SLC9C1: variants seen among roughly 807,000 people sequenced by gnomAD.
SLC9C1 encodes sodium/hydrogen exchanger 10.
Under a neutral mutation model 140.9 loss-of-function variants are expected in SLC9C1, and 97 were observed. The ratio of observed to expected loss-of-function variants is 0.69; its 90% confidence interval spans 0.58 to 0.82. The LOEUF (loss-of-function observed/expected upper bound fraction) is 0.82. Ranked by LOEUF, SLC9C1 falls within the 40% of genes least tolerant of loss-of-function variation. The probability of loss-of-function intolerance (pLI) is 0.00; values close to 1 mark genes in which losing one functional copy is unlikely to be tolerated. For synonymous variants in SLC9C1, 440 were observed against 442.6 expected (o/e 0.99, Z 0.07); for missense variants, 1,340 against 1,389.3 (o/e 0.96, Z 0.56).
At chr3:112,272,650 C>T (rs2080107834) in intron 6 of SLC9C1, among the ~76,000 whole-genome samples, 1 of 152,124 alleles carries the variant, frequency 6.6e-6, no homozygotes, top group African/African-American at 2.4e-5. Flanking sequence ...TCTCTTTCTC[C>T]TACAGCAGAG....
chr3:112,159,418 TA>T (rs1370284171), intron 26 of SLC9C1, among the ~76,000 whole-genome samples: 5 of 152,056 alleles, frequency 3.3e-5, no homozygotes, highest in Non-Finnish European at 7.4e-5. Context: ...ATTGTGGTCA[TA>T]AAAGATATTT....
At chr3:112,249,081 G>C (rs1290727824) in intron 10 of SLC9C1, among the ~76,000 whole-genome samples, 1 of 151,992 alleles carries the variant, frequency 6.6e-6, no homozygotes, top group Non-Finnish European at 1.5e-5. Flanking sequence ...TGTTGGTTGT[G>C]GGCTTGTCAT....
intron 15 of SLC9C1, among the ~76,000 whole-genome samples, chr3:112,214,730 C>T (rs1345181023): frequency 1.3e-5 from 2 of 152,100 alleles, no homozygotes; most frequent in Non-Finnish European, 2.9e-5. Context: ...GCTTACCAAC[C>T]AAAAGAAGTC....
chr3:112,155,074 G>A (rs2075092741), intron 26 of SLC9C1, 25 bp from the exon 27 acceptor site: 1 of 1,515,532 alleles, frequency 6.6e-7, no homozygotes, highest in Non-Finnish European at 9.0e-7. Context: ...AAAAAACAGT[G>A]TTAATTCAAC....
chr3:112,184,436 G>A (rs1211399496), intron 20 of SLC9C1, among the ~76,000 whole-genome samples: 8 of 130,956 alleles, frequency 6.1e-5, no homozygotes, highest in South Asian at 2.9e-4. Flanking sequence ...TCAGGAGTTC[G>A]AGACCAGCCT....
intron 20 of SLC9C1, among the ~76,000 whole-genome samples, chr3:112,189,831 C>T (rs990963136): frequency 6.6e-6 from 1 of 152,108 alleles, no homozygotes; most frequent in Admixed American, 6.5e-5. Context: ...GGCAGTATGG[C>T]CATTTTCATG....
chr3:112,274,521 C>T (rs967894714), intron 6 of SLC9C1, among the ~76,000 whole-genome samples: 8 of 151,996 alleles, frequency 5.3e-5, no homozygotes, highest in Admixed American at 3.9e-4. Context: ...GATATAGTTC[C>T]AGGGCAAAGG....
intron 15 of SLC9C1, among the ~76,000 whole-genome samples, chr3:112,212,182 C>A (rs1420707938): frequency 6.6e-6 from 1 of 152,186 alleles, no homozygotes; most frequent in Non-Finnish European, 1.5e-5. Flanking sequence ...ACACAAAGGA[C>A]ATCCACACCA....
chr3:112,277,563 A>T, intron 5 of SLC9C1, 132 bp downstream of exon 5: 1 of 724,408 alleles, frequency 1.4e-6, no homozygotes, highest in Non-Finnish European at 2.1e-6. Flanking sequence ...ATCTCTGCTT[A>T]ATCCTCAACC....
chr3:112,237,104 C>T (rs2079008658), intron 12 of SLC9C1, among the ~76,000 whole-genome samples: 2 of 152,092 alleles, frequency 1.3e-5, no homozygotes, highest in South Asian at 4.1e-4. Context: ...GAGTCTAAGT[C>T]TCTTTGTAGG....
At chr3:112,284,440 A>C (rs1031376743) in intron 2 of SLC9C1, among the ~76,000 whole-genome samples, 1 of 152,252 alleles carries the variant, frequency 6.6e-6, no homozygotes, top group African/African-American at 2.4e-5. Context: ...AGCTGGGTTC[A>C]TCATTTCAGA....
rs62276974 is a variant in SLC9C1 at position 112,264,310 on chromosome 3, G to A, written c.912C>T (p.Leu304=). The part of the protein sequence containing the change: ...FWTFLSRIAF[L]MVFTFFGLLI... ...GAAGTCCAAAGAAAGTAAACACCAT[G>A]AGAAAAGCAATACGTGATAGAAAAG... Residue 304 remains leucine (L), a synonymous_variant, in exon 9 of 29, where the codon CTC becomes CTT. Transcript: ENST00000305815. 319,001 of 1,470,284 alleles carry A rather than the reference G, an allele frequency of 0.22. 37,804 individuals carry two copies. The highest frequency in any genetic ancestry group is 0.23 in the Non-Finnish European group (259,660 of 1,108,716). The allele number at this position is 1,470,284 out of a possible 1,614,324, so 91.1% of individuals were successfully genotyped here. A position where few individuals can be genotyped will look rare whatever the true frequency, so the allele number is the denominator to read the frequency against.
At chr3:112,171,774 A>T (rs2077251641) in intron 23 of SLC9C1, among the ~76,000 whole-genome samples, 1 of 152,230 alleles carries the variant, frequency 6.6e-6, no homozygotes, top group Non-Finnish European at 1.5e-5. Flanking sequence ...TGATCATGCC[A>T]CATTACATTT....
rs79950192 is a variant in SLC9C1 at position 112,286,844 on chromosome 3, C to G, written c.-53G>C. The G allele has an allele frequency of 0.073, 93,215 of 1,268,462 alleles. 4,373 individuals are homozygous for G. The highest frequency in any genetic ancestry group is 0.22 in the East Asian group (8,830 of 40,548). The allele number at this position is 1,268,462 out of a possible 1,614,324, so 78.6% of individuals were successfully genotyped here. ...ATGTTAGAAGCAATCTCCATATGAT[C>G]ATCCATCTTGTTGTTTTTCACAGTC... is the stretch of plus-strand genomic sequence containing the variant. On this transcript the variant is annotated 5_prime_UTR_variant, in exon 2 of 29. It removes an upstream start codon present in the reference 5' UTR. Transcript: ENST00000305815.
intron 23 of SLC9C1, among the ~76,000 whole-genome samples, chr3:112,170,493 C>T (rs1236825187): frequency 1.3e-5 from 2 of 151,988 alleles, no homozygotes; most frequent in Non-Finnish European, 2.9e-5. Flanking sequence ...TGCTGTTGAG[C>T]TTTTGAGTTC....
At chr3:112,207,525 C>T (rs1213613879) in intron 16 of SLC9C1, among the ~76,000 whole-genome samples, 1 of 152,068 alleles carries the variant, frequency 6.6e-6, no homozygotes, top group Non-Finnish European at 1.5e-5. Flanking sequence ...TTTTCCACAT[C>T]CTGAAAACAT....
At chr3:112,210,476 C>G (rs2078172082) in intron 15 of SLC9C1, among the ~76,000 whole-genome samples, 1 of 152,156 alleles carries the variant, frequency 6.6e-6, no homozygotes, top group African/African-American at 2.4e-5. Flanking sequence ...TTATGTGAAA[C>G]ATTTGAAATA....
chr3:112,155,360 A>G (rs4682362), intron 26 of SLC9C1, among the ~76,000 whole-genome samples: 148,608 of 152,258 alleles, frequency 0.98, 72,631 homozygotes, highest in East Asian at 1. Flanking sequence ...TGCTAGCAAT[A>G]AGGATACATA....
Position 112,286,880 on chromosome 3 carries a change from T to C in SLC9C1, c.-87-2A>G. On this transcript the variant is annotated splice_acceptor_variant, in intron 1 of 28. Coordinates refer to ENST00000305815, the MANE Select transcript of SLC9C1 (RefSeq NM_183061.3). LOFTEE classifies it low-confidence loss of function (5UTR_SPLICE). ...TTGTTTTTCACAGTCCATCTGAATC[T>C]AAGAAACATAAGATTTGCCTTCTTG... 1 of 776,344 alleles carries C rather than the reference T, an allele frequency of 1.3e-6. No individual in the cohort carries two copies. 48.1% of individuals were successfully genotyped at this position (776,344 alleles called of 1,614,324 possible).
Sources: gnomAD v4.1 joint callset for allele counts (sites outside exome capture counted in the v4.1 genomes callset) on GRCh38, gnomAD v4.1.1 for gene constraint, MANE v1.5 for transcripts, NCBI Gene and HGNC (gene_info 2026-07-23, HGNC 2026-07-21) for gene names.